Variants in EYS observed in about 807,000 individuals in gnomAD.
EYS encodes protein eyes shut homolog.
Under a neutral mutation model 282.1 loss-of-function variants are expected in EYS, and 250 were observed. The observed-to-expected ratio is 0.89, with a 90% confidence interval of 0.80 to 0.98. The LOEUF (loss-of-function observed/expected upper bound fraction) is 0.98, where lower values mean the gene tolerates loss of function less well. EYS is among the 50% of genes least tolerant of loss of function. The probability of loss-of-function intolerance (pLI) is 0.00; values close to 1 mark genes in which losing one functional copy is unlikely to be tolerated. For missense variants in EYS, 4,016 were observed against 3,709.0 expected (o/e 1.08, Z -2.15); for synonymous variants, 1,355 against 1,282.9 (o/e 1.06, Z -1.20).
At chr6:63,897,305 GTT>G (rs146485908) in intron 35 of EYS, among the ~76,000 whole-genome samples, 1,734 of 152,298 alleles carry the variant, frequency 0.011, 36 homozygotes, top group African/African-American at 0.04. Flanking sequence ...ACTTGTCAAT[GTT>G]TTATCTGTGT....
intron 29 of EYS, chr6:64,377,761 C>T (rs1182607176): frequency 2.0e-5 from 3 of 151,304 alleles, no homozygotes; most frequent in African/African-American, 7.3e-5. Flanking sequence ...AACATCAGAC[C>T]CGATCTCTCC....
At chr6:64,232,658 T>C (rs940552070) in intron 30 of EYS, among the ~76,000 whole-genome samples, 8 of 152,254 alleles carry the variant, frequency 5.3e-5, no homozygotes, top group Non-Finnish European at 4.4e-5. Flanking sequence ...CCCCAGAGCA[T>C]TGGGATTACA....
chr6:64,581,450 T>G (rs1766064238), intron 26 of EYS, among the ~76,000 whole-genome samples: 1 of 152,154 alleles, frequency 6.6e-6, no homozygotes. Context: ...TTCCTTTGTT[T>G]TATGGTCTTT....
At chr6:65,490,885 T>C (rs1187415970) in intron 4 of EYS, among the ~76,000 whole-genome samples, 178 bp from the exon 5 acceptor site, 2 of 152,158 alleles carry the variant, frequency 1.3e-5, no homozygotes, top group South Asian at 2.1e-4. Context: ...ATACTTTACA[T>C]AAGTTTTTCA....
chr6:65,135,662 A>T (rs1776003864), intron 12 of EYS, among the ~76,000 whole-genome samples: 1 of 151,224 alleles, frequency 6.6e-6, no homozygotes, highest in African/African-American at 2.4e-5. Flanking sequence ...AATCTCATTC[A>T]TTTTTTTTTA....
At chr6:64,894,556 C>T (rs1325211566) in intron 18 of EYS, among the ~76,000 whole-genome samples, 1 of 152,110 alleles carries the variant, frequency 6.6e-6, no homozygotes, top group Non-Finnish European at 1.5e-5. Context: ...GGATTCTCTG[C>T]CTCTTTCACA....
At chr6:65,181,576 A>G (rs367736797) in intron 12 of EYS, among the ~76,000 whole-genome samples, 3 of 151,976 alleles carry the variant, frequency 2.0e-5, no homozygotes, top group Non-Finnish European at 4.4e-5. Flanking sequence ...TGGAGAGGAT[A>G]TGGAGAAATA....
At chr6:64,334,631 G>A (rs115484485) in intron 29 of EYS, among the ~76,000 whole-genome samples, 2,294 of 152,224 alleles carry the variant, frequency 0.015, 15 homozygotes, top group East Asian at 0.033. Context: ...GAAACAGCCC[G>A]AGCCTTAGAC....
At chr6:65,190,146 A>G (rs949088143) in intron 12 of EYS, among the ~76,000 whole-genome samples, 3 of 151,356 alleles carry the variant, frequency 2.0e-5, no homozygotes, top group Non-Finnish European at 4.4e-5. Context: ...CAACCATCAT[A>G]TACAAGCATT....
intron 12 of EYS, 90 bp from the exon 13 acceptor site, chr6:65,057,817 C>T: frequency 1.1e-6 from 1 of 888,040 alleles, no homozygotes; most frequent in Non-Finnish European, 1.8e-6. Flanking sequence ...GCCTTTAATC[C>T]ACTTAGGATG....
chr6:64,386,017 T>C (rs1388530554), intron 29 of EYS, among the ~76,000 whole-genome samples: 1 of 152,156 alleles, frequency 6.6e-6, no homozygotes, highest in Non-Finnish European at 1.5e-5. Flanking sequence ...TCAAAATCAA[T>C]TCAATCAGTT....
At chr6:65,512,190 T>A (rs1469190074) in intron 2 of EYS, among the ~76,000 whole-genome samples, 1 of 152,012 alleles carries the variant, frequency 6.6e-6, no homozygotes, top group East Asian at 1.9e-4. Flanking sequence ...CAGATCCTCT[T>A]AGTATAAAAA....
chr6:64,343,317 C>T (rs1211235312), intron 29 of EYS, among the ~76,000 whole-genome samples: 3 of 151,860 alleles, frequency 2.0e-5, no homozygotes, highest in East Asian at 1.9e-4. Flanking sequence ...GTAAAGCTCT[C>T]CTCAGCAAAT....
At chr6:64,303,389 C>T (rs1296425233) in intron 30 of EYS, among the ~76,000 whole-genome samples, 1 of 152,174 alleles carries the variant, frequency 6.6e-6, no homozygotes, top group Non-Finnish European at 1.5e-5. Context: ...CAGTGACCAG[C>T]ATGCCTGACA....
At chr6:65,282,332 G>T (rs548937820) in intron 12 of EYS, among the ~76,000 whole-genome samples, 2 of 151,834 alleles carry the variant, frequency 1.3e-5, no homozygotes, top group South Asian at 4.2e-4. Context: ...ACATTGCTTT[G>T]TACATCATAC....
intron 13 of EYS, among the ~76,000 whole-genome samples, chr6:65,034,670 A>T (rs1772711118): frequency 1.3e-5 from 2 of 152,254 alleles, no homozygotes; most frequent in African/African-American, 2.4e-5. Flanking sequence ...GAAGCTGAGC[A>T]GGTGCCAGCC....
intron 30 of EYS, among the ~76,000 whole-genome samples, chr6:64,260,963 C>A (rs1922980): frequency 6.6e-6 from 1 of 151,594 alleles, no homozygotes; most frequent in South Asian, 2.1e-4. Context: ...GTATACAATG[C>A]GTAATGATGA....
chr6:65,616,611 C>A (rs1444886928), intron 2 of EYS, among the ~76,000 whole-genome samples: 1 of 151,916 alleles, frequency 6.6e-6, no homozygotes, highest in Non-Finnish European at 1.5e-5. Context: ...AATGGTGAAA[C>A]CCCGTGTCTA....
chr6:64,322,855 A>G (rs1582596598), intron 29 of EYS, among the ~76,000 whole-genome samples: 1 of 152,040 alleles, frequency 6.6e-6, no homozygotes, highest in Admixed American at 6.6e-5. Flanking sequence ...TGGACAATGG[A>G]ACCAGAAAAG....
Sources: allele counts gnomAD v4.1 joint callset (sites outside exome capture counted in the v4.1 genomes callset), GRCh38; gene constraint gnomAD v4.1.1; transcripts MANE v1.5; gene names NCBI Gene and HGNC (gene_info 2026-07-23, HGNC 2026-07-21).